The following TPRG1 variants were observed in gnomAD, a reference collection of about 807,000 sequenced individuals.
The protein encoded by TPRG1 is tumor protein p63-regulated gene 1 protein.
TPRG1 carries 29 observed loss-of-function variants against 29.3 expected under a neutral mutation model. The ratio of observed to expected loss-of-function variants is 0.99; its 90% confidence interval spans 0.74 to 1.35. The LOEUF is 1.35. TPRG1 is among the 40% of genes most tolerant of loss of function. The probability of loss-of-function intolerance (pLI) is 0.00; values close to 1 mark genes in which losing one functional copy is unlikely to be tolerated. For synonymous variants in TPRG1, 130 were observed against 116.8 expected (o/e 1.11, Z -0.73); for missense variants, 327 against 335.0 (o/e 0.98, Z 0.19).
intron 3 of TPRG1, chr3:189,219,756 GC>G (rs1736665095): frequency 2.7e-6 from 3 of 1,122,852 alleles, no homozygotes; most frequent in Admixed American, 4.5e-5. Context: ...GTGGTGGTGG[GC>G]GATTGTTGTT....
At chr3:189,251,659 G>A (rs1742282416) in intron 4 of TPRG1, among the ~76,000 whole-genome samples, 1 of 152,146 alleles carries the variant, frequency 6.6e-6, no homozygotes, top group Non-Finnish European at 1.5e-5. Flanking sequence ...CATAGACAAG[G>A]TAAAGAATTA....
intron 1 of TPRG1, among the ~76,000 whole-genome samples, chr3:189,190,416 C>G (rs949189615): frequency 1.2e-4 from 18 of 152,150 alleles, no homozygotes; most frequent in African/African-American, 4.3e-4. Flanking sequence ...GGTCTAAACA[C>G]ATCGCCTCTC....
chr3:189,232,130 C>T (rs76458782), intron 3 of TPRG1, among the ~76,000 whole-genome samples: 2,243 of 152,046 alleles, frequency 0.015, 59 homozygotes, highest in African/African-American at 0.051. Flanking sequence ...CATGGTAGGA[C>T]TTTCCTTACT....
At chr3:189,312,516 T>C (rs1722877722) in intron 5 of TPRG1, among the ~76,000 whole-genome samples, 1 of 152,198 alleles carries the variant, frequency 6.6e-6, no homozygotes, top group Non-Finnish European at 1.5e-5. Flanking sequence ...CTGCCTTAGT[T>C]GGTACATCCA....
chr3:189,223,966 A>G (rs1737310263), intron 3 of TPRG1, among the ~76,000 whole-genome samples: 1 of 152,188 alleles, frequency 6.6e-6, no homozygotes. Flanking sequence ...TGATGAAAGT[A>G]CAGGGATAAA....
chr3:189,156,510 T>C (rs557286492), intron 5 of TPRG1, among the ~76,000 whole-genome samples: 2 of 152,306 alleles, frequency 1.3e-5, no homozygotes, highest in South Asian at 2.1e-4. Flanking sequence ...CGTTACAAGT[T>C]TGTGAAGAGC....
chr3:189,111,769 A>T (rs917066255), intron 1 of TPRG1, among the ~76,000 whole-genome samples: 6 of 151,988 alleles, frequency 3.9e-5, no homozygotes, highest in African/African-American at 1.5e-4. Context: ...TGTTTTTGAG[A>T]TTTTCTCTTT....
chr3:189,266,172 C>G (rs936522645), intron 4 of TPRG1, among the ~76,000 whole-genome samples: 1 of 152,118 alleles, frequency 6.6e-6, no homozygotes, highest in Admixed American at 6.5e-5. Flanking sequence ...ATCTACCCCA[C>G]GGAGTTGTGG....
At chr3:189,023,208 G>T (rs565476294) in intron 3 of TPRG1, among the ~76,000 whole-genome samples, 1 of 152,332 alleles carries the variant, frequency 6.6e-6, no homozygotes, top group South Asian at 2.1e-4. Flanking sequence ...CACGCTGGGA[G>T]CTGCAGACCG....
At chr3:189,125,519 C>G (rs1484049057) in intron 1 of TPRG1, among the ~76,000 whole-genome samples, 1 of 152,158 alleles carries the variant, frequency 6.6e-6, no homozygotes, top group African/African-American at 2.4e-5. Flanking sequence ...CCACCCCACC[C>G]CTTTTGAGGT....
At chr3:189,112,776 T>C (rs1017466380) in intron 1 of TPRG1, among the ~76,000 whole-genome samples, 1 of 152,230 alleles carries the variant, frequency 6.6e-6, no homozygotes, top group Admixed American at 6.5e-5. Flanking sequence ...TTGGTTACCG[T>C]AGCCTTGTAG....
At chr3:189,141,361 CCATTCATT>C (rs3065345) in intron 3 of TPRG1, among the ~76,000 whole-genome samples, 3 of 151,298 alleles carry the variant, frequency 2.0e-5, no homozygotes, top group Non-Finnish European at 2.9e-5. Context: ...GACATTCTAG[CCATTCATT>C]CATTCATTCA....
At chr3:189,289,817 G>A (rs76071959) in intron 4 of TPRG1, among the ~76,000 whole-genome samples, 2 of 152,006 alleles carry the variant, frequency 1.3e-5, no homozygotes, top group African/African-American at 4.8e-5. Flanking sequence ...TTTTGCCCAC[G>A]ATGCTCTATT....
chr3:189,188,884 G>A (rs1731305063), intron 1 of TPRG1, among the ~76,000 whole-genome samples: 1 of 152,098 alleles, frequency 6.6e-6, no homozygotes, highest in African/African-American at 2.4e-5. Flanking sequence ...AGTTATCTGC[G>A]TACAGAAAAT....
At chr3:189,292,044 A>T (rs1719086796) in intron 4 of TPRG1, among the ~76,000 whole-genome samples, 1 of 152,236 alleles carries the variant, frequency 6.6e-6, no homozygotes, top group African/African-American at 2.4e-5. Context: ...GCATTCAAGC[A>T]CATAGTAGGA....
At chr3:189,243,352 T>C (rs1487068716) in intron 4 of TPRG1, among the ~76,000 whole-genome samples, 1 of 152,160 alleles carries the variant, frequency 6.6e-6, no homozygotes, top group Non-Finnish European at 1.5e-5. Context: ...TCCAATCACC[T>C]CCCATTAGGC....
intron 3 of TPRG1, among the ~76,000 whole-genome samples, chr3:189,230,702 G>A (rs1227689790): frequency 6.6e-6 from 1 of 152,158 alleles, no homozygotes; most frequent in Non-Finnish European, 1.5e-5. Flanking sequence ...GTAAGCGCCA[G>A]AGGAATAGGG....
chr3:189,232,657 G>A (rs543130379), intron 3 of TPRG1, among the ~76,000 whole-genome samples: 1 of 152,284 alleles, frequency 6.6e-6, no homozygotes, highest in South Asian at 2.1e-4. Flanking sequence ...ATGGGATAGT[G>A]GGGGGAAAAG....
chr3:189,056,208 G>A (rs1448794963), intron 4 of TPRG1, among the ~76,000 whole-genome samples: 3 of 152,028 alleles, frequency 2.0e-5, no homozygotes. Flanking sequence ...CGAGTCTCAT[G>A]CCTCAGTCTC....
Sources: gnomAD v4.1 joint callset for allele counts (sites outside exome capture counted in the v4.1 genomes callset) on GRCh38, gnomAD v4.1.1 for gene constraint, MANE v1.5 for transcripts, NCBI Gene and HGNC (gene_info 2026-07-23, HGNC 2026-07-21) for gene names.